The following CACNA2D1 variants were observed in gnomAD, a reference collection of about 807,000 sequenced individuals.
The protein encoded by CACNA2D1 is voltage-dependent calcium channel subunit alpha-2/delta-1.
In CACNA2D1, 53 loss-of-function variants were observed where a neutral mutation model predicts 171.5. The observed-to-expected ratio is 0.31, with a 90% CI of 0.25 to 0.39. The LOEUF (loss-of-function observed/expected upper bound fraction) is 0.39. Among genes scored for constraint, CACNA2D1 ranks in the 10% least tolerant of loss-of-function variants. The pLI is 1.00. For synonymous variants in CACNA2D1, 442 were observed against 443.1 expected, an observed-to-expected ratio of 1.00 and a Z score of 0.03; for missense variants, 903 against 1,299.8, an observed-to-expected ratio of 0.69 and a Z score of 4.69.
At chr7:82,148,624 A>G (rs1225545950) in intron 4 of CACNA2D1, among the ~76,000 whole-genome samples, 1 of 152,102 alleles carries the variant, frequency 6.6e-6, no homozygotes, top group Non-Finnish European at 1.5e-5. Flanking sequence ...GCTTCATGTC[A>G]AAATTGGACA....
intron 24 of CACNA2D1, among the ~76,000 whole-genome samples, chr7:81,976,861 T>TA (rs964492842): frequency 1.2e-4 from 18 of 151,186 alleles, no homozygotes; most frequent in South Asian, 2.1e-4. Flanking sequence ...TCTCAAAAAA[T>TA]AAAAAAAAAG....
intron 4 of CACNA2D1, among the ~76,000 whole-genome samples, chr7:82,153,448 T>C (rs1236940979): frequency 6.6e-6 from 1 of 152,074 alleles, no homozygotes; most frequent in African/African-American, 2.4e-5. Flanking sequence ...AATTCAAATT[T>C]CCATTAAGTA....
intron 3 of CACNA2D1, among the ~76,000 whole-genome samples, chr7:82,274,621 T>C (rs151324277): frequency 0.011 from 1,614 of 152,260 alleles, 18 homozygotes; most frequent in Non-Finnish European, 0.017. Context: ...TCAATCACTG[T>C]TAGATTATTC....
intron 4 of CACNA2D1, among the ~76,000 whole-genome samples, chr7:82,149,300 C>T (rs1228431262): frequency 6.6e-6 from 1 of 152,046 alleles, no homozygotes; most frequent in Admixed American, 6.6e-5. Context: ...TTAACACTGT[C>T]CTAGGTTTGG....
intron 10 of CACNA2D1, among the ~76,000 whole-genome samples, chr7:82,054,312 T>A (rs1221538570): frequency 6.6e-6 from 1 of 152,236 alleles, no homozygotes; most frequent in East Asian, 1.9e-4. Context: ...AACTTTTAAC[T>A]GCCTGAGATT....
At chr7:82,396,791 T>C (rs180931679) in intron 1 of CACNA2D1, among the ~76,000 whole-genome samples, 29 of 152,310 alleles carry the variant, frequency 1.9e-4, no homozygotes, top group Admixed American at 2.6e-4. Context: ...TGGACCCACA[T>C]TGGCAACATA....
In CACNA2D1 at chr7:82,038,148, T is replaced by A; in HGVS notation, c.967A>T (p.Asn323Tyr). Residue 323 changes from asparagine to tyrosine, a missense_variant, in exon 11 of 39, where the codon AAT becomes TAT. This residue lies in a region of CACNA2D1 where 623 missense variants were observed against 925.5 expected (regional missense o/e 0.67). Coordinates refer to ENST00000356860, the MANE Select transcript of CACNA2D1 (RefSeq NM_000722.4). ...GTAATTCCTTTGGCTGTGATATTAT[T>A]CACCGCGTCTTTCAACACTTTTTTA... ...RNKKVLKDAV[N>Y]NITAKGITDY... The A allele has an allele frequency of 1.2e-6, 2 of 1,613,768 alleles. No homozygotes were observed. The highest frequency in any genetic ancestry group is 1.7e-6 in the Non-Finnish European group (2 of 1,179,786).
At chr7:82,192,045 T>G (rs539349915) in intron 3 of CACNA2D1, among the ~76,000 whole-genome samples, 1 of 151,918 alleles carries the variant, frequency 6.6e-6, no homozygotes, top group African/African-American at 2.4e-5. Context: ...AAAAAAATGT[T>G]TGACTCTTCT....
At chr7:82,258,166 A>C (rs1337982142) in intron 3 of CACNA2D1, among the ~76,000 whole-genome samples, 1 of 152,132 alleles carries the variant, frequency 6.6e-6, no homozygotes, top group Non-Finnish European at 1.5e-5. Context: ...TGAATCCAGC[A>C]CTCCACTCTT....
intron 7 of CACNA2D1, among the ~76,000 whole-genome samples, chr7:82,079,212 C>T (rs563987800): frequency 2.0e-5 from 3 of 152,236 alleles, no homozygotes; most frequent in Non-Finnish European, 4.4e-5. Flanking sequence ...GCAATATGCT[C>T]CAAACAGATT....
At chr7:82,173,739 T>C (rs1796276055) in intron 3 of CACNA2D1, among the ~76,000 whole-genome samples, 1 of 151,956 alleles carries the variant, frequency 6.6e-6, no homozygotes, top group South Asian at 2.1e-4. Context: ...ATGGCACCGG[T>C]GAATTGTGTT....
intron 1 of CACNA2D1, among the ~76,000 whole-genome samples, chr7:82,360,312 A>T (rs1820952697): frequency 6.6e-6 from 1 of 152,230 alleles, no homozygotes; most frequent in Non-Finnish European, 1.5e-5. Context: ...TGTTACAGTT[A>T]GAAAATGAAG....
In CACNA2D1 at chr7:81,964,471, C is replaced by G; in HGVS notation, c.2575-112G>C. The G allele has an allele frequency of 3.7e-6, 3 of 804,810 alleles. No individual in the cohort carries two copies. The South Asian group carries it at 5.1e-5, about 14-fold the overall frequency. The allele number at this position is 804,810 out of a possible 1,614,324, so 49.9% of individuals were successfully genotyped here. On this transcript the variant is annotated intron_variant, in intron 32 of 38. Coordinates refer to ENST00000356860, the MANE Select transcript of CACNA2D1 (RefSeq NM_000722.4). Reference sequence around the variant, plus strand: ...ATAATACAAAGAAACTGAACTACAACTGAGGAGCTTAAAAACAAAAGCAAA... The same window carrying G: ...ATAATACAAAGAAACTGAACTACAAGTGAGGAGCTTAAAAACAAAAGCAAA...
rs1789298173 is a variant in CACNA2D1, at chr7:82,118,156, G to GA, written c.397-984dup. On this transcript the variant is annotated intron_variant, in intron 5 of 38. Transcript: ENST00000356860. Reference sequence around the variant, plus strand: ...GAAGATCCAATCAATAATGATTCAAGAAAACCCCTCAGGAGTCTCAAGTCA... The same window carrying GA: ...GAAGATCCAATCAATAATGATTCAAGAAAAACCCCTCAGGAGTCTCAAGTCA... 2.6e-5 allele frequency among the ~76,000 whole-genome samples: 4 copies of GA among 152,184 alleles called. No individual in the cohort carries two copies. In the South Asian group the frequency reaches 6.2e-4, roughly 24 times the overall value.
At chr7:82,051,180 A>G (rs1316521074) in intron 10 of CACNA2D1, 1 of 154,120 alleles carries the variant, frequency 6.5e-6, no homozygotes, top group Non-Finnish European at 1.4e-5. Context: ...ATATAGACAA[A>G]TAATAAGCAC....
intron 5 of CACNA2D1, among the ~76,000 whole-genome samples, chr7:82,127,438 T>A (rs1019118787): frequency 6.6e-6 from 1 of 152,220 alleles, no homozygotes; most frequent in African/African-American, 2.4e-5. Context: ...ACAAACACTA[T>A]GAAAATATGG....
At chr7:82,213,946 C>T (rs1254792854) in intron 3 of CACNA2D1, among the ~76,000 whole-genome samples, 2 of 152,140 alleles carry the variant, frequency 1.3e-5, no homozygotes, top group Non-Finnish European at 2.9e-5. Flanking sequence ...GCTGGGAAGT[C>T]CAAGATCAAT....
chr7:82,293,885 C>G (rs1811953228), intron 3 of CACNA2D1, among the ~76,000 whole-genome samples: 1 of 152,052 alleles, frequency 6.6e-6, no homozygotes, highest in Admixed American at 6.6e-5. Flanking sequence ...TGATTATTTC[C>G]CAATAGAAAT....
intron 3 of CACNA2D1, among the ~76,000 whole-genome samples, chr7:82,234,022 G>A (rs1803260397): frequency 6.6e-6 from 1 of 151,982 alleles, no homozygotes; most frequent in Non-Finnish European, 1.5e-5. Context: ...TCCCATTTGT[G>A]ATAAATTATT....
Sources: gnomAD v4.1 joint callset for allele counts (sites outside exome capture counted in the v4.1 genomes callset) on GRCh38, gnomAD v4.1.1 for gene constraint, gnomAD v4.1.1 regional missense constraint, MANE v1.5 for transcripts, NCBI Gene and HGNC (gene_info 2026-07-23, HGNC 2026-07-21) for gene names.